Variants in WWOX observed in about 807,000 individuals in gnomAD.
WWOX encodes the protein WW domain containing oxidoreductase.
In WWOX, 69 loss-of-function variants were observed where a neutral mutation model predicts 46.2. That is an observed-to-expected ratio of 1.49 (90% confidence interval 1.23 to 1.82). WWOX has a LOEUF of 1.82. Ranked by LOEUF, WWOX falls within the 40% of genes most tolerant of loss-of-function variation. The pLI, the probability that WWOX is intolerant of heterozygous loss-of-function variation, is 0.00. For missense variants in WWOX, 919 were observed against 542.6 expected (o/e 1.69, Z -6.89); for synonymous variants, 359 against 202.6 (o/e 1.77, Z -6.56).
At chr16:78,161,557 C>T (rs563056028) in intron 4 of WWOX, among the ~76,000 whole-genome samples, 4 of 152,208 alleles carry the variant, frequency 2.6e-5, no homozygotes, top group Admixed American at 6.5e-5. Flanking sequence ...GGCAATCCCT[C>T]GACATCAGCC....
chr16:78,374,251 G>A (rs752162651), intron 5 of WWOX, among the ~76,000 whole-genome samples: 1 of 151,628 alleles, frequency 6.6e-6, no homozygotes, highest in Non-Finnish European at 1.5e-5. Flanking sequence ...AAAGTCTTAC[G>A]TACATGTTTA....
chr16:79,118,439 ATT>A (rs1368723145), intron 8 of WWOX, among the ~76,000 whole-genome samples: 1 of 152,208 alleles, frequency 6.6e-6, no homozygotes, highest in Non-Finnish European at 1.5e-5. Flanking sequence ...AGCTTGAAAT[ATT>A]GTAAGAATTA....
At chr16:78,618,695 C>G (rs996666641) in intron 8 of WWOX, among the ~76,000 whole-genome samples, 2 of 152,052 alleles carry the variant, frequency 1.3e-5, no homozygotes, top group African/African-American at 4.8e-5. Context: ...GGGAATAAAG[C>G]TAGAGTTGCT....
At chr16:78,902,650 C>T (rs1239646759) in intron 8 of WWOX, among the ~76,000 whole-genome samples, 1 of 152,202 alleles carries the variant, frequency 6.6e-6, no homozygotes, top group African/African-American at 2.4e-5. Context: ...ATGGGTAAAC[C>T]ATTAGGCCGG....
At chr16:78,897,376 A>G (rs2151236781) in intron 8 of WWOX, 1 of 151,954 alleles carries the variant, frequency 6.6e-6, no homozygotes, top group South Asian at 2.1e-4. Context: ...CAATCATTGT[A>G]ACTTTGTTTT....
chr16:78,819,775 C>T (rs1030686427), intron 8 of WWOX, among the ~76,000 whole-genome samples: 1 of 152,234 alleles, frequency 6.6e-6, no homozygotes, highest in Non-Finnish European at 1.5e-5. Context: ...CACAAGCTCA[C>T]AGCATTTTCA....
At chr16:78,728,437 C>G (rs920541796) in intron 8 of WWOX, among the ~76,000 whole-genome samples, 1 of 152,184 alleles carries the variant, frequency 6.6e-6, no homozygotes, top group African/African-American at 2.4e-5. Flanking sequence ...CGTTGTGCTA[C>G]ATTTCTTCTC....
chr16:78,937,824 T>G (rs1295712466), intron 8 of WWOX, among the ~76,000 whole-genome samples: 2 of 150,956 alleles, frequency 1.3e-5, no homozygotes, highest in East Asian at 3.9e-4. Flanking sequence ...GGTCTGTTTT[T>G]ACTATGTTGG....
At chr16:78,545,832 GC>G (rs1235600631) in intron 8 of WWOX, among the ~76,000 whole-genome samples, 4 of 152,090 alleles carry the variant, frequency 2.6e-5, no homozygotes, top group African/African-American at 9.7e-5. Context: ...TCCTCACGTG[GC>G]CTTCCGTCTG....
In WWOX at chr16:78,432,473, T is replaced by A. The variant is rs769065057; in HGVS notation, c.792-15T>A. The A allele has an allele frequency of 1.2e-6, 2 of 1,613,596 alleles. No individual in the cohort carries two copies. Among genetic ancestry groups the A allele is most frequent in the Non-Finnish European group, 1.7e-6 (2 of 1,180,010 alleles). On this transcript the variant is annotated splice_polypyrimidine_tract_variant and intron_variant, in intron 7 of 8. Coordinates refer to ENST00000566780, the MANE Select transcript of WWOX (RefSeq NM_016373.4). ...CAGAACTTGGTTGCTTCATGTCATA[T>A]TTCCTATTTTTAAGATTTACAGATA...
chr16:78,699,131 C>G (rs886737954), intron 8 of WWOX, among the ~76,000 whole-genome samples: 8 of 152,212 alleles, frequency 5.3e-5, no homozygotes, highest in African/African-American at 1.9e-4. Flanking sequence ...AATGCACCAT[C>G]TGTGTTCCAG....
At chr16:79,062,460 G>A (rs183275043) in intron 8 of WWOX, among the ~76,000 whole-genome samples, 9 of 152,192 alleles carry the variant, frequency 5.9e-5, no homozygotes, top group African/African-American at 2.2e-4. Flanking sequence ...GACACTTCCC[G>A]GTGCCGTGCG....
intron 8 of WWOX, among the ~76,000 whole-genome samples, chr16:78,884,702 A>G (rs531651783): frequency 1.6e-3 from 242 of 152,320 alleles, no homozygotes; most frequent in Non-Finnish European, 2.4e-3. Flanking sequence ...GTCCTCCGTC[A>G]TGTTGCTAAT....
intron 8 of WWOX, among the ~76,000 whole-genome samples, chr16:78,864,037 C>T (rs983192336): frequency 1.3e-5 from 2 of 152,088 alleles, no homozygotes; most frequent in African/African-American, 4.8e-5. Flanking sequence ...TTGACTATTG[C>T]AAATAAAGCT....
chr16:79,117,399 A>G (rs1248245325), intron 8 of WWOX, among the ~76,000 whole-genome samples: 2 of 152,208 alleles, frequency 1.3e-5, no homozygotes, highest in Non-Finnish European at 1.5e-5. Context: ...TGCCATAAAT[A>G]GACGTGGTCT....
chr16:78,768,802 A>G (rs559132131), intron 8 of WWOX, among the ~76,000 whole-genome samples: 198 of 152,238 alleles, frequency 1.3e-3, no homozygotes, highest in African/African-American at 4.6e-3. Flanking sequence ...CGAGAAAGTG[A>G]ATATTCACAC....
At chr16:79,024,595 G>A (rs887864971) in intron 8 of WWOX, among the ~76,000 whole-genome samples, 3 of 151,962 alleles carry the variant, frequency 2.0e-5, no homozygotes, top group Non-Finnish European at 4.4e-5. Context: ...CACCATGCCT[G>A]GCTAATTTTT....
intron 8 of WWOX, among the ~76,000 whole-genome samples, chr16:78,752,706 C>A (rs561733576): frequency 2.0e-5 from 3 of 152,180 alleles, no homozygotes; most frequent in Admixed American, 1.3e-4. Flanking sequence ...ATTTATGGAG[C>A]CCTGCTTTGT....
intron 6 of WWOX, among the ~76,000 whole-genome samples, chr16:78,414,577 C>T (rs550534809): frequency 6.6e-6 from 1 of 152,110 alleles, no homozygotes; most frequent in East Asian, 1.9e-4. Context: ...AACAAACAAA[C>T]AAACAAAAAG....
Sources: gnomAD v4.1 joint callset for allele counts (sites outside exome capture counted in the v4.1 genomes callset) on GRCh38, gnomAD v4.1.1 for gene constraint, MANE v1.5 for transcripts, NCBI Gene and HGNC (gene_info 2026-07-23, HGNC 2026-07-21) for gene names.